Variants in NAV2 observed in about 807,000 individuals in gnomAD.
The protein encoded by NAV2 is helicase, APC down-regulated 1.
NAV2 carries 54 observed loss-of-function variants against 223.2 expected under a neutral mutation model. That is an observed-to-expected ratio of 0.24 (90% CI 0.19 to 0.30). The LOEUF is 0.30. NAV2 is among the 10% of genes least tolerant of loss of function. The pLI is 1.00. For synonymous variants in NAV2, 1,279 were observed against 1,239.3 expected (o/e 1.03, Z -0.67); for missense variants, 2,806 against 3,147.5 (o/e 0.89, Z 2.60).
chr11:20,067,532 C>CTCTCTGTTCTAGAAGAGTCAG (rs2059125553), intron 20 of NAV2, among the ~76,000 whole-genome samples: 1 of 152,014 alleles, frequency 6.6e-6, no homozygotes, highest in Non-Finnish European at 1.5e-5. Flanking sequence ...GGCTAGAGTG[C>CTCTCTGTTCTAGAAGAGTCAG]AGTGGTGTGA....
intron 6 of NAV2, among the ~76,000 whole-genome samples, chr11:19,927,953 T>G (rs1218806120): frequency 1.3e-5 from 2 of 152,196 alleles, no homozygotes; most frequent in Non-Finnish European, 2.9e-5. Flanking sequence ...TGATCATGTT[T>G]CCAGAACTGG....
intron 18 of NAV2, among the ~76,000 whole-genome samples, chr11:20,055,031 CT>C (rs2058279727): frequency 6.6e-6 from 1 of 152,170 alleles, no homozygotes; most frequent in Non-Finnish European, 1.5e-5. Flanking sequence ...GGAGCTGAGC[CT>C]TGAAGGACTG....
chr11:19,909,604 C>T (rs1468058299), intron 6 of NAV2, among the ~76,000 whole-genome samples: 3 of 152,184 alleles, frequency 2.0e-5, no homozygotes, highest in Non-Finnish European at 4.4e-5. Flanking sequence ...AGATTCCTGG[C>T]TGTAAAACAT....
At chr11:19,591,357 T>G (rs983292929) in intron 1 of NAV2, 1 of 152,202 alleles carries the variant, frequency 6.6e-6, no homozygotes, top group East Asian at 1.9e-4. Context: ...CGGTCCAGGA[T>G]AGTTTCTCAT....
intron 1 of NAV2, among the ~76,000 whole-genome samples, chr11:19,537,426 A>C (rs2044221133): frequency 6.6e-6 from 1 of 152,216 alleles, no homozygotes; most frequent in Non-Finnish European, 1.5e-5. Context: ...AAATCAAGTA[A>C]CTTTCCCAAA....
intron 11 of NAV2, among the ~76,000 whole-genome samples, chr11:20,006,950 T>A (rs2053134414): frequency 6.6e-6 from 1 of 151,906 alleles, no homozygotes; most frequent in African/African-American, 2.4e-5. Flanking sequence ...CTAAAGATCA[T>A]TTTCTTCTTT....
At chr11:19,560,434 A>T (rs1356457543) in intron 1 of NAV2, among the ~76,000 whole-genome samples, 1 of 152,166 alleles carries the variant, frequency 6.6e-6, no homozygotes, top group East Asian at 1.9e-4. Flanking sequence ...GGGCACTTTA[A>T]TTGGAGTCTC....
At chr11:19,530,216 G>A (rs2043986237) in intron 1 of NAV2, among the ~76,000 whole-genome samples, 2 of 152,196 alleles carry the variant, frequency 1.3e-5, no homozygotes, top group Admixed American at 1.3e-4. Context: ...GGTGGGGTGT[G>A]ATTGTTTCTT....
intron 1 of NAV2, among the ~76,000 whole-genome samples, chr11:19,551,188 G>A (rs2044678633): frequency 6.6e-6 from 1 of 152,264 alleles, no homozygotes; most frequent in Non-Finnish European, 1.5e-5. Context: ...GGGTTTGCCT[G>A]CCCTGCAGCA....
chr11:19,563,679 G>A (rs2045174136), intron 1 of NAV2, among the ~76,000 whole-genome samples: 1 of 152,118 alleles, frequency 6.6e-6, no homozygotes, highest in African/African-American at 2.4e-5. Flanking sequence ...TATCCCAAGC[G>A]ATTCACATGC....
chr11:19,394,724 G>T (rs1490101143), intron 1 of NAV2, among the ~76,000 whole-genome samples: 1 of 152,196 alleles, frequency 6.6e-6, no homozygotes, highest in African/African-American at 2.4e-5. Context: ...CAGGAGAGAA[G>T]AGTATCTCAG....
intron 11 of NAV2, among the ~76,000 whole-genome samples, chr11:19,993,042 C>T (rs1591570873): frequency 1.3e-5 from 2 of 152,184 alleles, no homozygotes; most frequent in East Asian, 1.9e-4. Flanking sequence ...AGATGGGTCA[C>T]CTTTCTCTAT....
chr11:19,589,994 T>C (rs967215517), intron 1 of NAV2, among the ~76,000 whole-genome samples: 2 of 152,162 alleles, frequency 1.3e-5, no homozygotes, highest in African/African-American at 4.8e-5. Context: ...CTCAACTTCC[T>C]CAGTCTTGTG....
At chr11:19,591,011 T>C (rs1015514950) in intron 1 of NAV2, 3 of 152,222 alleles carry the variant, frequency 2.0e-5, no homozygotes, top group African/African-American at 7.2e-5. Context: ...GTCTAATTCT[T>C]CAAATAATTC....
At chr11:19,354,397 A>C (rs979950198) in intron 1 of NAV2, among the ~76,000 whole-genome samples, 1 of 152,230 alleles carries the variant, frequency 6.6e-6, no homozygotes, top group African/African-American at 2.4e-5. Context: ...TAATTAGTTT[A>C]AACTTCAATA....
chr11:19,763,646 G>A (rs1311329946), intron 1 of NAV2, among the ~76,000 whole-genome samples: 7 of 152,032 alleles, frequency 4.6e-5, no homozygotes, highest in African/African-American at 1.4e-4. Flanking sequence ...ATCCGTACTC[G>A]CATAGTTTCT....
At chr11:19,832,002 C>A (rs1024213491) in intron 1 of NAV2, among the ~76,000 whole-genome samples, 4 of 152,134 alleles carry the variant, frequency 2.6e-5, no homozygotes, top group African/African-American at 9.7e-5. Context: ...TTCAAGGGAC[C>A]CAGGCTCCTG....
chr11:20,097,900 G>A (rs547741835), intron 31 of NAV2, among the ~76,000 whole-genome samples, 155 bp downstream of exon 31: 164 of 152,274 alleles, frequency 1.1e-3, no homozygotes, highest in Non-Finnish European at 2.1e-3. Context: ...AAGTTGAACC[G>A]TCTTTTGCTT....
chr11:19,855,950 T>C (rs570417589), intron 3 of NAV2, among the ~76,000 whole-genome samples: 136 of 152,370 alleles, frequency 8.9e-4, no homozygotes, highest in African/African-American at 3.1e-3. Context: ...AAGTGCTCTC[T>C]CTTTATGATC....
Sources: allele counts gnomAD v4.1 joint callset (sites outside exome capture counted in the v4.1 genomes callset), GRCh38; gene constraint gnomAD v4.1.1; transcripts MANE v1.5; gene names NCBI Gene and HGNC (gene_info 2026-07-23, HGNC 2026-07-21).